The following C8orf74 variants were observed in gnomAD, a reference collection of about 807,000 sequenced individuals.
The protein encoded by C8orf74 is uncharacterized protein C8orf74.
A neutral mutation model predicts 22.2 loss-of-function variants in C8orf74; 29 were observed. The ratio of observed to expected loss-of-function variants is 1.31; its 90% confidence interval spans 0.97 to 1.78. C8orf74 has a LOEUF of 1.78. Ranked by LOEUF, C8orf74 falls within the 40% of genes most tolerant of loss-of-function variation. The pLI, the probability that C8orf74 is intolerant of heterozygous loss-of-function variation, is 0.00. For synonymous variants in C8orf74, 255 were observed against 163.1 expected (o/e 1.56, Z -4.30); for missense variants, 515 against 369.9 (o/e 1.39, Z -3.22).
Position 10,694,530 on chromosome 8 carries a change from A to T in C8orf74, c.242-3069A>T, listed in dbSNP as rs146700736. On this transcript the variant is annotated intron_variant, in intron 2 of 3. Transcript: ENST00000304519. Reference sequence around the variant, plus strand: ...CCACATGTTGCAAGAGAAAAGGAGCAGGTGGGGAATAATCAATTATGTATT... The same window carrying T: ...CCACATGTTGCAAGAGAAAAGGAGCTGGTGGGGAATAATCAATTATGTATT... Among the ~76,000 whole-genome samples, 206 of 152,320 alleles carry T rather than the reference A, an allele frequency of 1.4e-3. 1 individual carries two copies. The highest frequency in any genetic ancestry group is 4.8e-3 in the African/African-American group (198 of 41,578).
At chr8:10,676,640 C>T (rs1799038801) in intron 2 of C8orf74, among the ~76,000 whole-genome samples, 1 of 152,142 alleles carries the variant, frequency 6.6e-6, no homozygotes. Context: ...TGGTCCCAGC[C>T]TAAAGGCTAG....
intron 2 of C8orf74, among the ~76,000 whole-genome samples, chr8:10,682,549 T>C (rs1799173775): frequency 6.6e-6 from 1 of 152,188 alleles, no homozygotes; most frequent in Non-Finnish European, 1.5e-5. Flanking sequence ...GGCGTCTCTG[T>C]GTGTGTCCAC....
At chr8:10,690,787 T>G in intron 2 of C8orf74, 1 of 445,666 alleles carries the variant, frequency 2.2e-6, no homozygotes, top group Non-Finnish European at 4.5e-6. Context: ...GAGCTTCCCG[T>G]GCTGACATCT....
At chr8:10,699,030 G>A (rs1250955014) in intron 3 of C8orf74, among the ~76,000 whole-genome samples, 4 of 152,044 alleles carry the variant, frequency 2.6e-5, no homozygotes, top group African/African-American at 9.7e-5. Context: ...CACATCAGGG[G>A]GCCATGTGAT....
At chr8:10,683,143 G>A (rs1799187714) in intron 2 of C8orf74, among the ~76,000 whole-genome samples, 2 of 152,242 alleles carry the variant, frequency 1.3e-5, no homozygotes, top group African/African-American at 4.8e-5. Flanking sequence ...GGGCTGCGGA[G>A]TGCAGACGGA....
intron 2 of C8orf74, among the ~76,000 whole-genome samples, chr8:10,680,224 A>G (rs4841420): frequency 1 from 152,112 of 152,330 alleles, 75,950 homozygotes; most frequent in Middle Eastern, 1. Flanking sequence ...CTGCAGTCAA[A>G]AAGTCTCAGT....
chr8:10,698,518 C>T (rs894517641), intron 3 of C8orf74, among the ~76,000 whole-genome samples: 5 of 152,012 alleles, frequency 3.3e-5, no homozygotes, highest in Non-Finnish European at 7.4e-5. Context: ...TAGGAGGATC[C>T]GGTGCCTGGA....
chr8:10,677,235 T>C (rs576193052), intron 2 of C8orf74, among the ~76,000 whole-genome samples: 52 of 152,290 alleles, frequency 3.4e-4, no homozygotes, highest in South Asian at 1.9e-3. Flanking sequence ...TTCTTGTATC[T>C]AGCCTACAGC....
intron 3 of C8orf74, among the ~76,000 whole-genome samples, chr8:10,699,569 C>T (rs1361723220): frequency 1.3e-5 from 2 of 152,356 alleles, no homozygotes; most frequent in East Asian, 3.9e-4. Context: ...TTACGTGGTC[C>T]ATGTATCCAG....
In C8orf74 at chr8:10,700,292, C is replaced by T. The variant is rs1386015352; in HGVS notation, c.706C>T (p.Leu236=). The T allele has an allele frequency of 1.2e-6, 2 of 1,613,582 alleles. No individual in the cohort carries two copies. Among genetic ancestry groups the T allele is most frequent in the Admixed American group, 1.7e-5 (1 of 60,004 alleles). The change falls in exon 4 of 4, where the codon CTG becomes TTG. Residue 236 remains leucine (L), a synonymous_variant. Coordinates refer to ENST00000304519, the MANE Select transcript of C8orf74 (RefSeq NM_001040032.2). ...VHTQMELLQE[L]LQRQIQNTFA... is the part of the protein sequence containing the mutation. ...CACCCAGATGGAGCTCCTGCAGGAG[C>T]TGCTGCAGCGCCAGATCCAGAACAC...
At chr8:10,676,577 CG>C (rs1462336340) in intron 2 of C8orf74, among the ~76,000 whole-genome samples, 2 of 152,202 alleles carry the variant, frequency 1.3e-5, no homozygotes, top group African/African-American at 4.8e-5. Flanking sequence ...TTAATCTCTT[CG>C]GCTGCCAGGT....
chr8:10,691,055 G>GC (rs950409056), intron 2 of C8orf74: 2 of 409,428 alleles, frequency 4.9e-6, no homozygotes, highest in Admixed American at 2.6e-5. Context: ...TCAACCCGAG[G>GC]CCCAGGGAGT....
intron 2 of C8orf74, among the ~76,000 whole-genome samples, chr8:10,683,161 C>G (rs1237906619): frequency 6.6e-6 from 1 of 152,214 alleles, no homozygotes; most frequent in East Asian, 1.9e-4. Context: ...GGAGCAACAC[C>G]TGGATGAGCC....
intron 2 of C8orf74, among the ~76,000 whole-genome samples, chr8:10,682,071 C>G (rs904153176): frequency 6.6e-6 from 1 of 152,212 alleles, no homozygotes; most frequent in Non-Finnish European, 1.5e-5. Flanking sequence ...GTACCCCGCC[C>G]TCACATCGGG....
chr8:10,688,085 G>A (rs183380211), intron 2 of C8orf74, among the ~76,000 whole-genome samples: 2 of 151,776 alleles, frequency 1.3e-5, no homozygotes, highest in Non-Finnish European at 2.9e-5. Context: ...TACACCTGTA[G>A]TTCCACCTAC....
At chr8:10,684,625 C>T (rs1799222540) in intron 2 of C8orf74, among the ~76,000 whole-genome samples, 1 of 152,200 alleles carries the variant, frequency 6.6e-6, no homozygotes, top group Non-Finnish European at 1.5e-5. Context: ...CCAAGGGGTG[C>T]CTGAAACAGG....
At chr8:10,698,691 C>G (rs1054545493) in intron 3 of C8orf74, among the ~76,000 whole-genome samples, 1 of 152,172 alleles carries the variant, frequency 6.6e-6, no homozygotes, top group Non-Finnish European at 1.5e-5. Context: ...CTTAGCTATA[C>G]ATAGGCACTG....
intron 2 of C8orf74, among the ~76,000 whole-genome samples, chr8:10,685,405 T>C (rs796111016): frequency 2.0e-5 from 3 of 152,222 alleles, no homozygotes. Flanking sequence ...TGAGCATGGA[T>C]GGATGAATGG....
chr8:10,697,856 C>A lies in C8orf74; in HGVS notation c.499C>A (p.Gln167Lys), dbSNP rs777994345. 1 of 1,613,300 alleles carries A rather than the reference C, an allele frequency of 6.2e-7. No individual in the cohort carries two copies. Among genetic ancestry groups the A allele is most frequent in the African/African-American group, 1.3e-5 (1 of 74,946 alleles). Residue 167 changes from glutamine to lysine, a missense_variant, in exon 3 of 4, where the codon CAG becomes AAG. Transcript: ENST00000304519. ...CAGGGACTTGTGGATCCACGAGCAG[C>A]AGGTGGCCACACTGACGGAGGCCGA... The part of the protein sequence containing the change: ...MDRDLWIHEQ[Q>K]VATLTEAEAQ...
Sources: allele counts gnomAD v4.1 joint callset (sites outside exome capture counted in the v4.1 genomes callset), GRCh38; gene constraint gnomAD v4.1.1; transcripts MANE v1.5; gene names NCBI Gene and HGNC (gene_info 2026-07-23, HGNC 2026-07-21).